Variants in GALNT16 observed in about 807,000 individuals in gnomAD.
GALNT16 encodes the protein UDP-GalNAc:polypeptide N-acetylgalactosaminyltransferase-like protein 1.
GALNT16 carries 40 observed loss-of-function variants against 76.1 expected under a neutral mutation model. That is an observed-to-expected ratio of 0.53 (90% CI 0.41 to 0.68). The LOEUF (loss-of-function observed/expected upper bound fraction) is 0.68, where lower values mean the gene tolerates loss of function less well. Among genes scored for constraint, GALNT16 ranks in the 30% least tolerant of loss-of-function variants. The pLI, the probability that GALNT16 is intolerant of heterozygous loss-of-function variation, is 0.00. For synonymous variants in GALNT16, 276 were observed against 285.2 expected (o/e 0.97, Z 0.32); for missense variants, 621 against 731.9 (o/e 0.85, Z 1.75).
At chr14:69,300,966 TTC>T (rs1274534269) in intron 1 of GALNT16, among the ~76,000 whole-genome samples, 1 of 152,240 alleles carries the variant, frequency 6.6e-6, no homozygotes, top group Non-Finnish European at 1.5e-5. Context: ...CTGCATCATA[TTC>T]TCTCTCACAC....
chr14:69,366,084 T>G, the GALNT16 span, among the ~76,000 whole-genome samples: 1 of 152,214 alleles, frequency 6.6e-6, no homozygotes, highest in African/African-American at 2.4e-5. Flanking sequence ...AGTTGGCATT[T>G]GATGCAAGAC....
chr14:69,370,650 C>T, the GALNT16 span, among the ~76,000 whole-genome samples: 1 of 152,172 alleles, frequency 6.6e-6, no homozygotes, highest in Non-Finnish European at 1.5e-5. Flanking sequence ...GTTTCATCTA[C>T]ACCCTTCCAC....
At chr14:69,338,509 G>A (rs1484195489) in intron 9 of GALNT16, 142 bp from the exon 10 acceptor site, 3 of 1,069,048 alleles carry the variant, frequency 2.8e-6, no homozygotes, top group Non-Finnish European at 2.7e-6. Context: ...AGGAGTGGGA[G>A]CACTCCATTT....
intron 1 of GALNT16, among the ~76,000 whole-genome samples, chr14:69,312,075 A>C (rs1160244997): frequency 6.6e-6 from 1 of 150,420 alleles, no homozygotes; most frequent in Non-Finnish European, 1.5e-5. Flanking sequence ...CTATCTATCT[A>C]TCTATCTATC....
chr14:69,310,246 A>G (rs2044997714), intron 1 of GALNT16, among the ~76,000 whole-genome samples: 1 of 152,058 alleles, frequency 6.6e-6, no homozygotes, highest in African/African-American at 2.4e-5. Flanking sequence ...TTATATGAAT[A>G]GCATCTGTAG....
At chr14:69,321,766 C>A (rs1436239039) in intron 2 of GALNT16, among the ~76,000 whole-genome samples, 2 of 152,228 alleles carry the variant, frequency 1.3e-5, no homozygotes, top group South Asian at 2.1e-4. Flanking sequence ...TGGAAGGCTC[C>A]TTCCCAACCC....
chr14:69,333,179 G>GC lies in GALNT16; in HGVS notation c.863+11dup. On this transcript the variant is annotated intron_variant, in intron 8 of 14. Transcript: ENST00000448469. This position sits in a 1 kb window ranked among gnomAD's most constrained non-coding sequence, Gnocchi z 4.2. Reference sequence around the variant, plus strand: ...CCACCAGGCCCATAAGGTCAGAGCTGCGGTGGGCTCTGGGGGACCCCTTCC... The same window carrying GC: ...CCACCAGGCCCATAAGGTCAGAGCTGCCGGTGGGCTCTGGGGGACCCCTTCC... 6.4e-7 allele frequency: 1 copy of GC among 1,573,042 alleles called. No individual in the cohort carries two copies. Among genetic ancestry groups the GC allele is most frequent in the Non-Finnish European group, 8.7e-7 (1 of 1,147,418 alleles).
At chr14:69,341,856 C>T (rs1344842351) in intron 12 of GALNT16, 92 bp downstream of exon 12, 1 of 767,328 alleles carries the variant, frequency 1.3e-6, no homozygotes, top group African/African-American at 1.7e-5. Flanking sequence ...TAGATCTCCT[C>T]AACACTGGTG....
intron 1 of GALNT16, among the ~76,000 whole-genome samples, chr14:69,313,540 A>T (rs1035353428): frequency 2.5e-5 from 3 of 118,704 alleles, no homozygotes; most frequent in African/African-American, 7.7e-5. Flanking sequence ...TTTCTTGGTG[A>T]GATCACTGGA....
rs752234879 is a variant in GALNT16 at position 69,331,528 on chromosome 14, C to A, written c.755C>A (p.Ala252Glu). Residue 252 changes from alanine (A) to glutamate (E), a missense_variant, in exon 7 of 15, where the codon GCA becomes GAA. Physicochemically the swap from Ala to Glu is moderately radical, Grantham distance 107. Transcript: ENST00000448469. ...VISLDNFAYL[A>E]ASADLRGGFD... ...AGTCTGGATAATTTTGCCTACCTTGCAGCATCTGCTGACCTTCGTGGAGGT... is the reference window on the plus strand; with the variant it reads ...AGTCTGGATAATTTTGCCTACCTTGAAGCATCTGCTGACCTTCGTGGAGGT... 1.9e-6 allele frequency: 3 copies of A among 1,605,656 alleles called. No individual in the cohort carries two copies. Among genetic ancestry groups the A allele is most frequent in the Non-Finnish European group, 2.6e-6 (3 of 1,172,338 alleles).
intron 1 of GALNT16, among the ~76,000 whole-genome samples, chr14:69,281,629 G>A (rs2044542818): frequency 6.6e-6 from 1 of 152,148 alleles, no homozygotes; most frequent in Admixed American, 6.5e-5. Flanking sequence ...GCATCCCTGT[G>A]TAGTCATGAC....
chr14:69,357,498 C>T (rs1414508788), downstream of GALNT16: 2 of 152,304 alleles, frequency 1.3e-5, no homozygotes, highest in East Asian at 3.8e-4. Context: ...CCCCAACAGA[C>T]ACAGCCTGTG....
chr14:69,382,142 A>C, the GALNT16 span, among the ~76,000 whole-genome samples: 1 of 152,224 alleles, frequency 6.6e-6, no homozygotes. Flanking sequence ...AATTTTTGGC[A>C]AGGGAAATAA....
intron 4 of GALNT16, 26 bp downstream of exon 4, chr14:69,325,430 GC>G: frequency 7.4e-7 from 1 of 1,359,878 alleles, no homozygotes; most frequent in Non-Finnish European, 1.1e-6. Flanking sequence ...CCTTTTTGCA[GC>G]CCTCCATTCC....
At chr14:69,336,055 A>C (rs1375107822) in intron 9 of GALNT16, among the ~76,000 whole-genome samples, 1 of 152,238 alleles carries the variant, frequency 6.6e-6, no homozygotes, top group South Asian at 2.1e-4. Flanking sequence ...CCCCGCAGCC[A>C]CACCCCTGCC....
chr14:69,279,863 G>C (rs2044517492), intron 1 of GALNT16, among the ~76,000 whole-genome samples: 2 of 152,220 alleles, frequency 1.3e-5, no homozygotes, highest in South Asian at 4.1e-4. Context: ...TGGGCTGTTG[G>C]GGGAAGAGAC....
the GALNT16 span, among the ~76,000 whole-genome samples, chr14:69,365,997 T>C: frequency 3.3e-5 from 5 of 152,224 alleles, no homozygotes; most frequent in African/African-American, 1.2e-4. Context: ...AGGTGTTATG[T>C]ACAAATAAAA....
chr14:69,276,402 G>A (rs2044471736), intron 1 of GALNT16, among the ~76,000 whole-genome samples: 1 of 152,174 alleles, frequency 6.6e-6, no homozygotes, highest in Admixed American at 6.5e-5. Flanking sequence ...AAGCTTGGAG[G>A]CTGGGTGCGG....
At chr14:69,294,039 C>T (rs1284324907) in intron 1 of GALNT16, among the ~76,000 whole-genome samples, 1 of 151,834 alleles carries the variant, frequency 6.6e-6, no homozygotes, top group African/African-American at 2.4e-5. Context: ...TAGAGGTGTG[C>T]ACCACCATGC....
Sources: allele counts gnomAD v4.1 joint callset (sites outside exome capture counted in the v4.1 genomes callset), GRCh38; gene constraint gnomAD v4.1.1; non-coding constraint Gnocchi (gnomAD v3.1); transcripts MANE v1.5; gene names NCBI Gene and HGNC (gene_info 2026-07-23, HGNC 2026-07-21).